Variants in TBC1D5 observed in about 807,000 individuals in gnomAD.
The protein encoded by TBC1D5 is TBC1 domain family member 5, also known as TBC1 domain family, member 5.
TBC1D5 carries 75 observed loss-of-function variants against 100.3 expected under a neutral mutation model. The observed-to-expected ratio is 0.75, with a 90% CI of 0.62 to 0.91. TBC1D5 has a LOEUF of 0.91. Ranked by LOEUF, TBC1D5 falls within the 40% of genes least tolerant of loss-of-function variation. The probability of loss-of-function intolerance (pLI) is 0.00; values close to 1 mark genes in which losing one functional copy is unlikely to be tolerated. For synonymous variants in TBC1D5, 323 were observed against 325.6 expected (o/e 0.99, Z 0.09); for missense variants, 910 against 942.4 (o/e 0.97, Z 0.45).
chr3:17,524,615 T>G (rs771120118), intron 2 of TBC1D5: 1 of 152,140 alleles, frequency 6.6e-6, no homozygotes, highest in Non-Finnish European at 1.5e-5. Context: ...GCACAAATCC[T>G]TGGAAGGCCA....
rs2060629 is a variant in TBC1D5, at chr3:17,238,034, T to C, written c.1588+129A>G. 565,838 of 1,336,746 alleles carry C rather than the reference T, an allele frequency of 0.42. 125,236 individuals are homozygous for C. The highest frequency in any genetic ancestry group is 0.45 in the Non-Finnish European group (455,365 of 1,001,338). 82.8% of individuals were successfully genotyped at this position (1,336,746 alleles called of 1,614,324 possible). ...CACGGTATCTAGTATTCCAACTTTA[T>C]ATAACATATTTAAAAAGTAAGTTTT... On this transcript the variant is annotated intron_variant, in intron 17 of 21. Transcript: ENST00000253692.
intron 1 of TBC1D5, among the ~76,000 whole-genome samples, chr3:17,711,440 T>G (rs936907364): frequency 6.6e-6 from 1 of 152,124 alleles, no homozygotes; most frequent in African/African-American, 2.4e-5. Flanking sequence ...TCCTGGTATA[T>G]TCCTCCATAA....
intron 14 of TBC1D5, among the ~76,000 whole-genome samples, chr3:17,293,188 GT>G (rs1483960723): frequency 6.6e-6 from 1 of 152,052 alleles, no homozygotes; most frequent in African/African-American, 2.4e-5. Flanking sequence ...TTCTGTGTCT[GT>G]TCAGACTCTC....
At chr3:17,228,930 A>G (rs978959787) in intron 17 of TBC1D5, among the ~76,000 whole-genome samples, 3 of 152,160 alleles carry the variant, frequency 2.0e-5, no homozygotes, top group Non-Finnish European at 4.4e-5. Context: ...AGAAGGAAAG[A>G]GGAAGGAAAA....
At chr3:17,732,363 C>T (rs532830667) in intron 1 of TBC1D5, among the ~76,000 whole-genome samples, 6 of 151,198 alleles carry the variant, frequency 4.0e-5, no homozygotes, top group Non-Finnish European at 5.9e-5. Context: ...AAGCTTTTTC[C>T]ATCTTGGTGA....
At chr3:17,168,395 T>G (rs74463989) in intron 19 of TBC1D5, among the ~76,000 whole-genome samples, 3,824 of 152,278 alleles carry the variant, frequency 0.025, 65 homozygotes, top group Non-Finnish European at 0.041. Flanking sequence ...CTAGGAGACT[T>G]AGCCGCCACA....
At chr3:17,322,485 T>C (rs1033702686) in intron 13 of TBC1D5, among the ~76,000 whole-genome samples, 4 of 152,230 alleles carry the variant, frequency 2.6e-5, no homozygotes, top group African/African-American at 9.6e-5. Context: ...CTGTGATTTC[T>C]GACATAAGGG....
intron 3 of TBC1D5, among the ~76,000 whole-genome samples, chr3:17,491,322 C>T (rs1206419853): frequency 6.6e-6 from 1 of 152,112 alleles, no homozygotes; most frequent in African/African-American, 2.4e-5. Flanking sequence ...TGCCTGAGTG[C>T]TCTGGCCAGA....
intron 1 of TBC1D5, among the ~76,000 whole-genome samples, chr3:17,655,018 AT>A (rs1488215293): frequency 6.6e-6 from 1 of 151,110 alleles, no homozygotes; most frequent in Non-Finnish European, 1.5e-5. Context: ...CCCCTTTATC[AT>A]TTTTTATTGC....
intron 14 of TBC1D5, among the ~76,000 whole-genome samples, chr3:17,294,926 C>A (rs1352066122): frequency 6.6e-6 from 1 of 152,148 alleles, no homozygotes; most frequent in African/African-American, 2.4e-5. Context: ...TAGTAAGGAT[C>A]TGACACAATA....
At chr3:17,280,188 G>T (rs898956624) in intron 15 of TBC1D5, among the ~76,000 whole-genome samples, 56 of 152,172 alleles carry the variant, frequency 3.7e-4, no homozygotes, top group Admixed American at 1.3e-4. Context: ...CTATAGAGAT[G>T]GGGGCAGGGA....
intron 16 of TBC1D5, among the ~76,000 whole-genome samples, chr3:17,243,797 GA>G (rs2076506323): frequency 6.6e-6 from 1 of 152,154 alleles, no homozygotes; most frequent in Non-Finnish European, 1.5e-5. Flanking sequence ...TGATGACACT[GA>G]AGAAAATTAT....
intron 2 of TBC1D5, among the ~76,000 whole-genome samples, chr3:17,542,497 T>C (rs1037185129): frequency 6.6e-6 from 1 of 152,126 alleles, no homozygotes; most frequent in Non-Finnish European, 1.5e-5. Flanking sequence ...GGATTAAAAG[T>C]ACCACACCCA....
chr3:17,499,856 G>A (rs2095762894), intron 3 of TBC1D5, among the ~76,000 whole-genome samples: 1 of 149,318 alleles, frequency 6.7e-6, no homozygotes, highest in South Asian at 2.1e-4. Flanking sequence ...TAAATCACCA[G>A]TGTCTCCTCT....
chr3:17,158,444 T>TA, exon 22 of TBC1D5: 1 of 152,296 alleles, frequency 6.6e-6, no homozygotes, highest in South Asian at 2.1e-4. Context: ...CTGTAACTAA[T>TA]AAAATTGCAA....
chr3:17,664,275 T>C (rs1206723316), intron 1 of TBC1D5, among the ~76,000 whole-genome samples: 1 of 152,182 alleles, frequency 6.6e-6, no homozygotes, highest in East Asian at 1.9e-4. Context: ...TTTCATCATA[T>C]TGGCCAGGAT....
rs543567410 is a variant in TBC1D5, at chr3:17,361,240, C to T, written c.995+10835G>A. The stretch of plus-strand genomic sequence containing the variant: ...AGCTGAGTTGCCTAATTTTTTTTTT[C>T]AACTGTGCCATTTGCATTGGGTAAG... On this transcript the variant is annotated intron_variant, in intron 13 of 21. Transcript: ENST00000253692. Among the ~76,000 whole-genome samples the T allele has an allele frequency of 2.3e-3, 352 of 151,328 alleles. 1 individual carries two copies. Among genetic ancestry groups the T allele is most frequent in the African/African-American group, 8.2e-3 (339 of 41,368 alleles).
At chr3:17,725,365 A>C (rs2076035666) in intron 1 of TBC1D5, among the ~76,000 whole-genome samples, 1 of 152,082 alleles carries the variant, frequency 6.6e-6, no homozygotes, top group African/African-American at 2.4e-5. Flanking sequence ...GCCAGTTGTT[A>C]TAACTACTTA....
rs1231453081 is a variant in TBC1D5 at position 17,727,995 on chromosome 3, TTAATA to T, written c.-101+11343_-101+11347del. On this transcript the variant is annotated intron_variant, in intron 1 of 21. Coordinates refer to ENST00000253692, the Ensembl canonical transcript of TBC1D5. The stretch of plus-strand genomic sequence containing the variant: ...AATATTTTGATACTAGAAAAATCTG[TTAATA>T]TAATTCACCATATTGGAAGGACAAA... Among the ~76,000 whole-genome samples, 3 of 152,314 alleles carry T rather than the reference TTAATA, an allele frequency of 2.0e-5. No individual in the cohort carries two copies. In the East Asian group the frequency reaches 5.8e-4, roughly 29 times the overall value.
Sources: gnomAD v4.1 joint callset for allele counts (sites outside exome capture counted in the v4.1 genomes callset) on GRCh38, gnomAD v4.1.1 for gene constraint, MANE v1.5 for transcripts, NCBI Gene and HGNC (gene_info 2026-07-23, HGNC 2026-07-21) for gene names.